The following NRAP variants were observed in gnomAD, a reference collection of about 807,000 sequenced individuals.
NRAP encodes nebulin related anchoring protein.
Under a neutral mutation model 225.9 loss-of-function variants are expected in NRAP, and 189 were observed. The observed-to-expected ratio is 0.84, with a 90% CI of 0.74 to 0.94. NRAP has a LOEUF of 0.94. Among genes scored for constraint, NRAP ranks in the 40% least tolerant of loss-of-function variants. The pLI, the probability that NRAP is intolerant of heterozygous loss-of-function variation, is 0.00. For synonymous variants in NRAP, 769 were observed against 790.7 expected, an observed-to-expected ratio of 0.97 and a Z score of 0.46; for missense variants, 2,176 against 2,168.7, an observed-to-expected ratio of 1.00 and a Z score of -0.07.
At chr10:113,609,175 A>C (rs1196957589) in intron 31 of NRAP, among the ~76,000 whole-genome samples, 1 of 152,114 alleles carries the variant, frequency 6.6e-6, no homozygotes, top group Non-Finnish European at 1.5e-5. Flanking sequence ...TAAATAAATA[A>C]ACTAAAATAA....
rs981709551 is a variant in NRAP, at chr10:113,616,358, C to T, written c.2974-542G>A. On this transcript the variant is annotated intron_variant, in intron 26 of 41. Coordinates refer to ENST00000359988, the MANE Select transcript of NRAP (RefSeq NM_198060.4). Reference sequence around the variant, plus strand: ...TAATAATGACACATGCAGTTGGCATCAGCCACCAGAGAAAGTTTCCAAACA... The same window carrying T: ...TAATAATGACACATGCAGTTGGCATTAGCCACCAGAGAAAGTTTCCAAACA... 3.9e-5 allele frequency among the ~76,000 whole-genome samples: 6 copies of T among 152,296 alleles called. No individual in the cohort carries two copies. The Middle Eastern group carries it at 0.01, about 259-fold the overall frequency.
chr10:113,650,387 G>A (rs746757948), intron 8 of NRAP, 51 bp downstream of exon 8: 1 of 1,353,298 alleles, frequency 7.4e-7, no homozygotes, highest in Non-Finnish European at 1.1e-6. Context: ...TCAGACCCAG[G>A]TTCACATTCC....
intron 25 of NRAP, among the ~76,000 whole-genome samples, chr10:113,618,341 C>T (rs116564951): frequency 6.6e-6 from 1 of 152,208 alleles, no homozygotes; most frequent in Non-Finnish European, 1.5e-5. Flanking sequence ...TAAACACACT[C>T]TTCTTTATCT....
In NRAP at chr10:113,629,713, G is replaced by T. The variant is rs776964185; in HGVS notation, c.1915C>A (p.His639Asn). The T allele has an allele frequency of 3.1e-6, 5 of 1,613,766 alleles. No homozygotes were observed. The highest frequency in any genetic ancestry group is 3.4e-6 in the Non-Finnish European group (4 of 1,179,660). ...HLPMDMVNIR[H>N]AKKAQTLASD... ...GCGAGAGTTTGGGCCTTCTTAGCAT[G>T]CCTGATGTTTACCATATCCATGGGC... Residue 639 changes from histidine (H) to asparagine (N), a missense_variant, in exon 19 of 42, where the codon CAT becomes AAT. By Grantham distance (68) the His-to-Asn change is moderately conservative. Coordinates refer to ENST00000359988, the MANE Select transcript of NRAP (RefSeq NM_198060.4).
At chr10:113,662,067 C>T (rs192842675) in intron 3 of NRAP, among the ~76,000 whole-genome samples, 221 of 152,214 alleles carry the variant, frequency 1.5e-3, no homozygotes, top group Non-Finnish European at 2.3e-3. Context: ...TCAAGGACCT[C>T]AATTATTCAA....
At position 113,620,849 on chromosome 10, in the gene NRAP, A is replaced by C. The variant is rs2419851; in HGVS notation, c.2770-141T>G. 0.89 allele frequency: 572,004 copies of C among 643,312 alleles called. 254,657 individuals carry two copies. The highest frequency in any genetic ancestry group is 0.92 in the Admixed American group (35,600 of 38,882). 39.9% of individuals were successfully genotyped at this position (643,312 alleles called of 1,614,324 possible). On this transcript the variant is annotated intron_variant, in intron 24 of 41. Transcript: ENST00000359988. ...CACTTTTGTCTTATGCATTTCTGCA[A>C]AGTCACAGGTAGGGCTCCCAAAAGT...
intron 18 of NRAP, among the ~76,000 whole-genome samples, chr10:113,631,083 G>T (rs1848547868): frequency 6.6e-6 from 1 of 152,114 alleles, no homozygotes; most frequent in Non-Finnish European, 1.5e-5. Flanking sequence ...CTAAATATTT[G>T]AATACCATAA....
At chr10:113,616,224 T>C (rs1050320965) in intron 26 of NRAP, among the ~76,000 whole-genome samples, 1 of 152,174 alleles carries the variant, frequency 6.6e-6, no homozygotes, top group Admixed American at 6.5e-5. Flanking sequence ...ATCTCAATCC[T>C]CCTCCGTTCC....
Position 113,657,929 on chromosome 10 carries a change from G to T in NRAP, c.256-355C>A, listed in dbSNP as rs887971140. Among the ~76,000 whole-genome samples the T allele has an allele frequency of 1.5e-4, 23 of 152,232 alleles. 1 individual carries two copies. On this transcript the variant is annotated intron_variant, in intron 3 of 41. Coordinates refer to ENST00000359988, the MANE Select transcript of NRAP (RefSeq NM_198060.4). ...TAGTCATGTAACCATCACCCAGGGA[G>T]CTTATTAAAATGCTGGCTCCTCAAT...
intron 39 of NRAP, 56 bp downstream of exon 39, chr10:113,592,137 TG>T: frequency 8.9e-7 from 1 of 1,127,346 alleles, no homozygotes; most frequent in Non-Finnish European, 1.3e-6. Context: ...TCAACAGAAC[TG>T]GGAAAACCAG....
chr10:113,596,987 T>C (rs555223688), intron 37 of NRAP, 99 bp downstream of exon 37: 1 of 779,418 alleles, frequency 1.3e-6, no homozygotes, highest in African/African-American at 1.7e-5. Context: ...GAAAGAAGGT[T>C]TGCACCCCCA....
At position 113,622,051 on chromosome 10, in the gene NRAP, C is replaced by T; in HGVS notation, c.2587G>A (p.Gly863Arg). 1 of 1,614,164 alleles carries T rather than the reference C, an allele frequency of 6.2e-7. No homozygotes were observed. Among genetic ancestry groups the T allele is most frequent in the Middle Eastern group, 1.6e-4 (1 of 6,062 alleles). Residue 863 changes from glycine to arginine, a missense_variant, in exon 24 of 42, where the codon GGA (glycine) becomes AGA (arginine). Physicochemically the swap from Gly to Arg is moderately radical, Grantham distance 125. Coordinates refer to ENST00000359988, the MANE Select transcript of NRAP (RefSeq NM_198060.4). ...KLQSELEYKKGFEDTKSQCHV... is the reference protein window; with the variant it reads ...KLQSELEYKKRFEDTKSQCHV... ...CATTGGGATTTGGTGTCCTCGAATCCCTTCTTGTACTCCAGCTCACTCTGC... is the reference window on the plus strand; with the variant it reads ...CATTGGGATTTGGTGTCCTCGAATCTCTTCTTGTACTCCAGCTCACTCTGC...
intron 1 of NRAP, 40 bp from the exon 2 acceptor site, chr10:113,663,486 C>T (rs747726780): frequency 2.5e-6 from 3 of 1,198,574 alleles, no homozygotes; most frequent in East Asian, 4.7e-5. Context: ...TTACCCTTTT[C>T]CCCCCAGACT....
Position 113,634,219 on chromosome 10 carries a change from A to G in NRAP, c.1429-9T>C. ...CTCTGCCTATAATTGGCCTAGGTAA[A>G]AACAGGCACAAAAAGATGTCATTTG... is the stretch of plus-strand genomic sequence containing the variant. On this transcript the variant is annotated splice_polypyrimidine_tract_variant and intron_variant, in intron 14 of 41. Transcript: ENST00000359988. 1 of 1,570,142 alleles carries G rather than the reference A, an allele frequency of 6.4e-7. No individual in the cohort carries two copies.
At chr10:113,645,566 C>T (rs1447542386) in intron 11 of NRAP, among the ~76,000 whole-genome samples, 8 of 152,092 alleles carry the variant, frequency 5.3e-5, no homozygotes, top group Admixed American at 2.0e-4. Flanking sequence ...TACAGTCATG[C>T]GCCACCACAC....
chr10:113,627,558 CT>C (rs1848354518), intron 20 of NRAP, among the ~76,000 whole-genome samples: 2 of 152,182 alleles, frequency 1.3e-5, no homozygotes, highest in Non-Finnish European at 2.9e-5. Context: ...CTCCAAGAAG[CT>C]AGATAATGAA....
At chr10:113,646,852 T>G in intron 10 of NRAP, 71 bp downstream of exon 10, 1 of 1,016,864 alleles carries the variant, frequency 9.8e-7, no homozygotes, top group Non-Finnish European at 1.6e-6. Flanking sequence ...TGTGTAGGTT[T>G]CAGTAAGCAC....
At chr10:113,655,403 T>A (rs1850245921) in intron 4 of NRAP, among the ~76,000 whole-genome samples, 1 of 152,010 alleles carries the variant, frequency 6.6e-6, no homozygotes, top group South Asian at 2.1e-4. Context: ...AGAAAAAAAA[T>A]TTTGGAATAA....
chr10:113,662,045 A>C (rs1331512236), intron 3 of NRAP, among the ~76,000 whole-genome samples: 1 of 152,198 alleles, frequency 6.6e-6, no homozygotes, highest in East Asian at 1.9e-4. Flanking sequence ...AGACACAAAG[A>C]TTATACTGAA....
Sources: gnomAD v4.1 joint callset for allele counts (sites outside exome capture counted in the v4.1 genomes callset) on GRCh38, gnomAD v4.1.1 for gene constraint, MANE v1.5 for transcripts, NCBI Gene and HGNC (gene_info 2026-07-23, HGNC 2026-07-21) for gene names.